Variants in PAK3 observed in about 807,000 individuals in gnomAD.
PAK3 encodes serine/threonine-protein kinase PAK 3.
PAK3 carries 4 observed loss-of-function variants against 41.0 expected under a neutral mutation model. That is an observed-to-expected ratio of 0.10 (90% CI 0.05 to 0.22). The LOEUF (loss-of-function observed/expected upper bound fraction) is 0.22. Among genes scored for constraint, PAK3 ranks in the 10% least tolerant of loss-of-function variants. PAK3 has a pLI of 1.00. For missense variants in PAK3, 205 were observed against 409.9 expected (o/e 0.50, Z 4.32); for synonymous variants, 146 against 139.6 (o/e 1.05, Z -0.32).
chrX:110,990,549 G>T (rs2091624347), intron 1 of PAK3, among the ~76,000 whole-genome samples: 1 of 110,268 alleles, frequency 9.1e-6, no homozygotes, highest in Admixed American at 9.7e-5. Flanking sequence ...AAGAAATTGT[G>T]GTAGAAAGGG....
At chrX:111,131,850 T>G (rs1157676122) in intron 5 of PAK3, among the ~76,000 whole-genome samples, 1 of 112,018 alleles carries the variant, frequency 8.9e-6, no homozygotes, top group Non-Finnish European at 1.9e-5. Flanking sequence ...GCTGCTGTTG[T>G]CATAGGAAGA....
intron 1 of PAK3, among the ~76,000 whole-genome samples, chrX:111,001,777 T>C (rs2091852319): frequency 9.0e-6 from 1 of 111,033 alleles, no homozygotes; most frequent in South Asian, 3.8e-4. Context: ...TTCCTAAGGG[T>C]TCCTCAGCTG....
chrX:111,042,858 T>G (rs1358422248), intron 1 of PAK3, among the ~76,000 whole-genome samples: 3 of 112,380 alleles, frequency 2.7e-5, no homozygotes, highest in Admixed American at 1.9e-4. Flanking sequence ...ATCTGTTTTA[T>G]GTCCCTTTCC....
rs1442109961 is a variant in PAK3, at chrX:111,143,197, T to C, written c.276+1001T>C. Among the ~76,000 whole-genome samples the C allele has an allele frequency of 4.1e-4, 46 of 111,316 alleles. No individual in the cohort carries two copies. In the Admixed American group the frequency reaches 4.4e-3, roughly 11 times the overall value. ...TGGGCTGTTAAACCAGAGAGAAATT[T>C]ACATATTAAGTAGTTGAGTTTTTTG... is the stretch of plus-strand genomic sequence containing the variant. On this transcript the variant is annotated intron_variant, in intron 6 of 17. Coordinates refer to ENST00000372007, the MANE Select transcript of PAK3 (RefSeq NM_002578.5).
chrX:111,016,230 G>T (rs894393759), intron 1 of PAK3, among the ~76,000 whole-genome samples: 2 of 112,098 alleles, frequency 1.8e-5, no homozygotes, highest in East Asian at 2.8e-4. Flanking sequence ...AAGCTTAGAG[G>T]ATAGCATCTA....
chrX:111,110,650 A>G (rs1330916369), intron 4 of PAK3, among the ~76,000 whole-genome samples: 1 of 110,960 alleles, frequency 9.0e-6, no homozygotes, highest in African/African-American at 3.3e-5. Flanking sequence ...CACCACCAAG[A>G]GGAAAATCTT....
chrX:111,019,703 AGAAAG>A (rs2092146851), intron 1 of PAK3, among the ~76,000 whole-genome samples: 2 of 40,698 alleles, frequency 4.9e-5, no homozygotes, highest in Admixed American at 4.2e-4. Context: ...AAAAAAAAAA[AGAAAG>A]AAAGAAAAGA....
intron 16 of PAK3, among the ~76,000 whole-genome samples, chrX:111,199,494 GT>G (rs1291682105): frequency 9.0e-6 from 1 of 110,804 alleles, no homozygotes; most frequent in East Asian, 2.8e-4. Context: ...ACATGACATG[GT>G]TAAATGATCA....
intron 6 of PAK3, among the ~76,000 whole-genome samples, 179 bp from the exon 7 acceptor site, chrX:111,147,558 T>A (rs1314042148): frequency 9.0e-6 from 1 of 111,543 alleles, no homozygotes; most frequent in Non-Finnish European, 1.9e-5. Flanking sequence ...TGTGTTTTAA[T>A]TAGAGAAGAG....
At chrX:111,050,335 A>G (rs7883325) in intron 1 of PAK3, among the ~76,000 whole-genome samples, 3,358 of 111,508 alleles carry the variant, frequency 0.03, 117 homozygotes, top group African/African-American at 0.1. Context: ...TGCCTCTAAA[A>G]GATTTTGTGG....
At chrX:111,209,274 G>A (rs139500652) in intron 16 of PAK3, among the ~76,000 whole-genome samples, 282 of 111,699 alleles carry the variant, frequency 2.5e-3, no homozygotes, top group Non-Finnish European at 4.5e-3. Flanking sequence ...TACTAGTTGT[G>A]TGACATTGGG....
At chrX:111,024,262 T>C (rs1481760888) in intron 1 of PAK3, among the ~76,000 whole-genome samples, 1 of 111,985 alleles carries the variant, frequency 8.9e-6, no homozygotes, top group Non-Finnish European at 1.9e-5. Context: ...TATCTCTGTG[T>C]TGGTACAGGA....
intron 5 of PAK3, among the ~76,000 whole-genome samples, chrX:111,135,937 G>T (rs374411754): frequency 9.0e-6 from 1 of 111,711 alleles, no homozygotes; most frequent in African/African-American, 3.3e-5. Context: ...AAAGAGAAGT[G>T]CCAGTAGAGA....
chrX:111,004,409 C>T (rs1181321415), intron 1 of PAK3, among the ~76,000 whole-genome samples: 1 of 111,968 alleles, frequency 8.9e-6, no homozygotes, highest in Non-Finnish European at 1.9e-5. Flanking sequence ...TATACTGTCA[C>T]ATATAAACCT....
chrX:111,040,558 C>G (rs771904894), intron 1 of PAK3, among the ~76,000 whole-genome samples: 5 of 111,623 alleles, frequency 4.5e-5, no homozygotes, highest in Admixed American at 9.5e-5. Flanking sequence ...GTTCACACTC[C>G]CAGCTTGACC....
intron 1 of PAK3, among the ~76,000 whole-genome samples, chrX:110,956,311 AC>A (rs1488964328): frequency 1.8e-5 from 2 of 111,312 alleles, no homozygotes; most frequent in Non-Finnish European, 3.8e-5. Flanking sequence ...TTCTCAGTAC[AC>A]CACCTGGTAC....
At chrX:111,075,651 G>T (rs184769623) in intron 1 of PAK3, among the ~76,000 whole-genome samples, 2 of 112,746 alleles carry the variant, frequency 1.8e-5, no homozygotes, top group Non-Finnish European at 3.8e-5. Context: ...GAAATGTGAG[G>T]TTGCAGCCCA....
chrX:111,042,994 G>C (rs1237480257), intron 1 of PAK3, among the ~76,000 whole-genome samples: 3 of 111,705 alleles, frequency 2.7e-5, no homozygotes, highest in Non-Finnish European at 5.6e-5. Flanking sequence ...ACATTCAAGA[G>C]TTAAAAGCTG....
chrX:111,037,009 A>C lies in PAK3; in HGVS notation c.-27-86068A>C, dbSNP rs182948662. Among the ~76,000 whole-genome samples the C allele has an allele frequency of 4.3e-3, 477 of 111,494 alleles. 1 individual carries two copies. Among genetic ancestry groups the C allele is most frequent in the African/African-American group, 0.015 (460 of 30,630 alleles). ...ACCCAGGCAGGAGTGCAGTGGCATG[A>C]TCTCTCCTCATTGCAACCTCTGCCT... On this transcript the variant is annotated intron_variant, in intron 1 of 14. Transcript: ENST00000425146.
Sources: gnomAD v4.1 joint callset for allele counts (sites outside exome capture counted in the v4.1 genomes callset) on GRCh38, gnomAD v4.1.1 for gene constraint, MANE v1.5 for transcripts, NCBI Gene and HGNC (gene_info 2026-07-23, HGNC 2026-07-21) for gene names.